The following TENM2 variants were observed in gnomAD, a reference collection of about 807,000 sequenced individuals.
TENM2 encodes teneurin-2.
In TENM2, 52 loss-of-function variants were observed where a neutral mutation model predicts 245.2. The ratio of observed to expected loss-of-function variants is 0.21; its 90% CI spans 0.17 to 0.27. TENM2 has a LOEUF of 0.27. Among genes scored for constraint, TENM2 ranks in the 10% least tolerant of loss-of-function variants. The pLI is 1.00. For synonymous variants in TENM2, 1,363 were observed against 1,438.9 expected, an observed-to-expected ratio of 0.95 and a Z score of 1.19; for missense variants, 3,046 against 3,666.8, an observed-to-expected ratio of 0.83 and a Z score of 4.37.
the TENM2 span, among the ~76,000 whole-genome samples, chr5:166,979,414 C>T: frequency 2.6e-5 from 4 of 151,882 alleles, no homozygotes; most frequent in African/African-American, 4.8e-5. Flanking sequence ...GTGTGTGTTG[C>T]CCCCTCGAAG....
rs1487871641 is a variant in TENM2 at position 167,485,203 on chromosome 5, G to A, written c.502+109730G>A. Among the ~76,000 whole-genome samples, 6 of 152,168 alleles carry A rather than the reference G, an allele frequency of 3.9e-5. No individual in the cohort carries two copies. In the East Asian group the frequency reaches 1.2e-3, roughly 29 times the overall value. ...ACAAGTAGTAGATGCAGAAACCACA[G>A]GGAGAAGCTCAGAGTGCTGGGAGAA... is the stretch of plus-strand genomic sequence containing the variant. On this transcript the variant is annotated intron_variant, in intron 2 of 28. Transcript: ENST00000518659.
At chr5:167,983,785 G>A (rs1783026705) in intron 4 of TENM2, among the ~76,000 whole-genome samples, 1 of 152,158 alleles carries the variant, frequency 6.6e-6, no homozygotes, top group African/African-American at 2.4e-5. Context: ...AAGCACATTA[G>A]TAACATCCCT....
exon 16 of TENM2, chr5:168,198,863 A>G (rs1761691593): frequency 6.2e-7 from 1 of 1,613,820 alleles, no homozygotes; most frequent in Non-Finnish European, 8.5e-7. Flanking sequence ...GTTCGACCTG[A>G]TCGCAAATGG....
chr5:167,074,294 CT>C, the TENM2 span, among the ~76,000 whole-genome samples: 2 of 151,816 alleles, frequency 1.3e-5, no homozygotes, highest in Non-Finnish European at 2.9e-5. Context: ...CCTTTTTCTT[CT>C]TTTTTTTAAT....
intron 2 of TENM2, among the ~76,000 whole-genome samples, chr5:167,654,526 G>C (rs538063842): frequency 1.3e-5 from 2 of 152,208 alleles, no homozygotes; most frequent in Non-Finnish European, 2.9e-5. Context: ...ATTTTGCATG[G>C]GGATGGAGAT....
intron 2 of TENM2, among the ~76,000 whole-genome samples, chr5:167,731,150 G>T (rs774551910): frequency 4.7e-4 from 71 of 149,826 alleles, no homozygotes; most frequent in Non-Finnish European, 8.9e-4. Context: ...TAAAACACCA[G>T]ATAAAAACCC....
chr5:167,669,561 T>A (rs568680304), intron 2 of TENM2, among the ~76,000 whole-genome samples: 1 of 152,060 alleles, frequency 6.6e-6, no homozygotes, highest in Non-Finnish European at 1.5e-5. Context: ...ACAAATATTA[T>A]ATATTGTGCT....
rs138217554 is a variant in TENM2, at chr5:167,426,789, A to T, written c.502+51316A>T. 6.1e-3 allele frequency among the ~76,000 whole-genome samples: 936 copies of T among 152,260 alleles called. 3 individuals are homozygous for T. Among genetic ancestry groups the T allele is most frequent in the African/African-American group, 0.021 (889 of 41,546 alleles). On this transcript the variant is annotated intron_variant, in intron 2 of 28. Coordinates refer to ENST00000518659, the Ensembl canonical transcript of TENM2. ...AGCGAATGTTTATCAGGAATTTGGA[A>T]GCCTAGCAGCAAGGTGAATTCTAGA...
At chr5:167,538,492 C>T (rs1486178268) in intron 2 of TENM2, among the ~76,000 whole-genome samples, 1 of 152,130 alleles carries the variant, frequency 6.6e-6, no homozygotes, top group East Asian at 1.9e-4. Context: ...TAAAAGCTGT[C>T]TAGTTTTGTT....
chr5:167,865,801 C>T (rs1204831231), intron 2 of TENM2, among the ~76,000 whole-genome samples: 1 of 152,144 alleles, frequency 6.6e-6, no homozygotes. Context: ...AATTCAGAAT[C>T]AACTCTTCTT....
intron 2 of TENM2, among the ~76,000 whole-genome samples, chr5:167,869,837 T>TA (rs771209092): frequency 0.013 from 1,929 of 148,374 alleles, 18 homozygotes; most frequent in African/African-American, 0.016. Context: ...AGAACCACGT[T>TA]AAAAAAAAAA....
intron 9 of TENM2, among the ~76,000 whole-genome samples, chr5:168,112,840 A>G (rs368369257): frequency 3.3e-5 from 5 of 152,166 alleles, no homozygotes; most frequent in Admixed American, 2.0e-4. Flanking sequence ...AGGAGGATCA[A>G]TGCATCTTCT....
At chr5:168,126,020 C>T (rs1404472417) in intron 11 of TENM2, among the ~76,000 whole-genome samples, 1 of 152,224 alleles carries the variant, frequency 6.6e-6, no homozygotes, top group Non-Finnish European at 1.5e-5. Flanking sequence ...GGATGAATGT[C>T]TGGCACGTGC....
the TENM2 span, among the ~76,000 whole-genome samples, chr5:167,041,419 A>G: frequency 2.7e-3 from 418 of 152,260 alleles, 2 homozygotes; most frequent in African/African-American, 9.6e-3. Flanking sequence ...TCTCCTCTGG[A>G]CTTGAGCCAG....
chr5:167,614,940 G>A (rs750952758), intron 2 of TENM2, among the ~76,000 whole-genome samples: 24 of 152,040 alleles, frequency 1.6e-4, no homozygotes, highest in Non-Finnish European at 3.1e-4. Flanking sequence ...GCACTTCATC[G>A]TCACTGACGG....
chr5:168,208,260 A>AT (rs1456043208), intron 19 of TENM2, among the ~76,000 whole-genome samples: 1 of 152,180 alleles, frequency 6.6e-6, no homozygotes, highest in Non-Finnish European at 1.5e-5. Flanking sequence ...ACCTTACATA[A>AT]TTTTTGAAAT....
intron 2 of TENM2, among the ~76,000 whole-genome samples, chr5:167,678,260 A>G (rs1238481809): frequency 6.6e-6 from 1 of 152,072 alleles, no homozygotes; most frequent in African/African-American, 2.4e-5. Context: ...CATATGTTAT[A>G]TTTGTAATCA....
At chr5:167,162,029 G>A in the TENM2 span, among the ~76,000 whole-genome samples, 6 of 151,936 alleles carry the variant, frequency 3.9e-5, no homozygotes, top group African/African-American at 1.4e-4. Context: ...AGCCGGGTGT[G>A]GTGGCACGTA....
At position 167,568,902 on chromosome 5, in the gene TENM2, G is replaced by A. The variant is rs569871671; in HGVS notation, c.502+193429G>A. Among the ~76,000 whole-genome samples, 5 of 151,956 alleles carry A rather than the reference G, an allele frequency of 3.3e-5. 1 individual carries two copies. The highest frequency in any genetic ancestry group is 7.2e-5 in the African/African-American group (3 of 41,470). On this transcript the variant is annotated intron_variant, in intron 2 of 28. Coordinates refer to ENST00000518659, the Ensembl canonical transcript of TENM2. ...AAGAAAGAATTAAAGGTGATTAAAC[G>A]CTGTGGGTATTTGTGTGGTTAGTTC...
Sources: allele counts gnomAD v4.1 joint callset (sites outside exome capture counted in the v4.1 genomes callset), GRCh38; gene constraint gnomAD v4.1.1; transcripts MANE v1.5; gene names NCBI Gene and HGNC (gene_info 2026-07-23, HGNC 2026-07-21).